The following CCDC39 variants were observed in gnomAD, a reference collection of about 807,000 sequenced individuals.
CCDC39 encodes the protein coiled-coil domain 39 molecular ruler complex subunit.
CCDC39 carries 113 observed loss-of-function variants against 121.0 expected under a neutral mutation model. That is an observed-to-expected ratio of 0.93 (90% confidence interval 0.80 to 1.09). The LOEUF is 1.09. Ranked by LOEUF, CCDC39 falls within the 50% of genes least tolerant of loss-of-function variation. The probability of loss-of-function intolerance (pLI) is 0.00; values close to 1 mark genes in which losing one functional copy is unlikely to be tolerated. For synonymous variants in CCDC39, 349 were observed against 352.2 expected, an observed-to-expected ratio of 0.99 and a Z score of 0.10; for missense variants, 1,063 against 1,074.7, an observed-to-expected ratio of 0.99 and a Z score of 0.15.
chr3:180,678,698 G>A (rs1397391181), intron 1 of CCDC39, among the ~76,000 whole-genome samples: 1 of 151,686 alleles, frequency 6.6e-6, no homozygotes, highest in African/African-American at 2.4e-5. Flanking sequence ...TGTAGTTAGT[G>A]TAAGTTCGTC....
intron 7 of CCDC39, among the ~76,000 whole-genome samples, chr3:180,653,255 C>A (rs1447949556): frequency 6.6e-6 from 1 of 152,202 alleles, no homozygotes; most frequent in Non-Finnish European, 1.5e-5. Context: ...CCACTGCAAC[C>A]TTGTACAAAA....
intron 9 of CCDC39, among the ~76,000 whole-genome samples, chr3:180,649,989 G>C (rs1355399938): frequency 6.6e-5 from 10 of 152,238 alleles, no homozygotes; most frequent in Admixed American, 3.3e-4. Context: ...AAATTTTACA[G>C]CACACTGAGG....
At chr3:180,661,781 G>GAAA in intron 3 of CCDC39, 80 bp downstream of exon 3, 1 of 1,203,836 alleles carries the variant, frequency 8.3e-7, no homozygotes, top group South Asian at 1.6e-5. Flanking sequence ...TCCCATACAA[G>GAAA]AAAAAAAAAA....
intron 7 of CCDC39, 106 bp downstream of exon 7, chr3:180,654,656 A>AG (rs1711540293): frequency 2.8e-6 from 2 of 716,688 alleles, no homozygotes; most frequent in East Asian, 6.8e-5. Context: ...AAAAAAAAAA[A>AG]AAACTAGAAG....
chr3:180,666,453 A>G (rs1711880073), intron 1 of CCDC39, among the ~76,000 whole-genome samples: 1 of 152,134 alleles, frequency 6.6e-6, no homozygotes, highest in Non-Finnish European at 1.5e-5. Flanking sequence ...GAGTTGTCTA[A>G]TTCTGAGGTG....
At chr3:180,662,698 A>T (rs1334553148) in intron 2 of CCDC39, among the ~76,000 whole-genome samples, 1 of 152,202 alleles carries the variant, frequency 6.6e-6, no homozygotes, top group Non-Finnish European at 1.5e-5. Context: ...AACTTAAGGA[A>T]AAGTGTTGTT....
Position 180,616,931 on chromosome 3 carries a change from C to G in CCDC39, c.2301G>C (p.Leu767Phe). The G allele has an allele frequency of 6.7e-7, 1 of 1,486,130 alleles. No homozygotes were observed. The highest frequency in any genetic ancestry group is 9.3e-7 in the Non-Finnish European group (1 of 1,076,522). 92.1% of individuals were successfully genotyped at this position (1,486,130 alleles called of 1,614,324 possible). A position where few individuals can be genotyped will look rare whatever the true frequency, so the allele number is the denominator to read the frequency against. ...ATAACTTTTCTTTAACATTATTTGC[C>G]AAATGTTCTATAACATCTAATGTAT... The part of the protein sequence containing the change: ...MENTLDVIEH[L>F]ANNVKEKLSE... Residue 767 changes from leucine to phenylalanine, a missense_variant, in exon 17 of 20, where the codon TTG (leucine) becomes TTC (phenylalanine). By Grantham distance (22) the Leu-to-Phe change is conservative. Transcript: ENST00000476379.
At chr3:180,641,806 G>A (rs1381260763) in intron 13 of CCDC39, among the ~76,000 whole-genome samples, 187 bp downstream of exon 13, 1 of 152,068 alleles carries the variant, frequency 6.6e-6, no homozygotes, top group African/African-American at 2.4e-5. Flanking sequence ...ACAATCTAAA[G>A]AATGAAGAAT....
intron 13 of CCDC39, among the ~76,000 whole-genome samples, chr3:180,638,999 T>C (rs1242060698): frequency 6.6e-6 from 1 of 152,122 alleles, no homozygotes; most frequent in Non-Finnish European, 1.5e-5. Flanking sequence ...CAAGAACACA[T>C]ATGTTCATAG....
chr3:180,618,687 T>C (rs564062644), intron 16 of CCDC39, among the ~76,000 whole-genome samples: 4 of 152,178 alleles, frequency 2.6e-5, no homozygotes, highest in Admixed American at 6.6e-5. Context: ...ATTAGTTTGC[T>C]GAGAATGATG....
intron 14 of CCDC39, among the ~76,000 whole-genome samples, chr3:180,629,553 C>T (rs111794611): frequency 1.6e-4 from 24 of 152,328 alleles, no homozygotes; most frequent in African/African-American, 5.5e-4. Flanking sequence ...GGCATCATTG[C>T]ACCCATGGTT....
Position 180,614,663 on chromosome 3 carries a change from C to A in CCDC39, c.*258G>T. The A allele has an allele frequency of 2.8e-6, 1 of 353,236 alleles. No individual in the cohort carries two copies. The highest frequency in any genetic ancestry group is 5.1e-6 in the Non-Finnish European group (1 of 197,022). 21.9% of individuals were successfully genotyped at this position (353,236 alleles called of 1,614,324 possible). On this transcript the variant is annotated 3_prime_UTR_variant, in exon 20 of 20. Transcript: ENST00000476379. ...AACTATTTTCTAACACTACGAACAT[C>A]AGAATTACAGTGAAATACAGCATTT...
Position 180,631,482 on chromosome 3 carries a change from T to C in CCDC39, c.1985A>G (p.Tyr662Cys). 1 of 1,605,084 alleles carries C rather than the reference T, an allele frequency of 6.2e-7. No homozygotes were observed. Among genetic ancestry groups the C allele is most frequent in the Non-Finnish European group, 8.5e-7 (1 of 1,178,726 alleles). ...AATTAAAATTACCTTTATTACATAA[T>C]AGGCCTGTGTTTTCTCCTCTTCTCC... Reference protein sequence around the residue: ...PEGEEEKTQAYYVIKAAQEKE... With the variant: ...PEGEEEKTQACYVIKAAQEKE... The change falls in exon 14 of 20, where the codon TAT becomes TGT. Residue 662 changes from tyrosine to cysteine, a missense_variant. Physicochemically the swap from Tyr to Cys is radical, Grantham distance 194. Transcript: ENST00000476379.
chr3:180,626,915 C>G (rs1285637400), intron 14 of CCDC39, among the ~76,000 whole-genome samples: 1 of 152,150 alleles, frequency 6.6e-6, no homozygotes, highest in Non-Finnish European at 1.5e-5. Context: ...ATGGCAAAAT[C>G]CTAAATCTAC....
At chr3:180,676,089 G>T (rs1345160647) in intron 1 of CCDC39, among the ~76,000 whole-genome samples, 2 of 152,066 alleles carry the variant, frequency 1.3e-5, no homozygotes, top group Non-Finnish European at 2.9e-5. Context: ...CATGGGCAAG[G>T]ACTTCATGTC....
At chr3:180,655,319 G>GT (rs113079710) in intron 6 of CCDC39, among the ~76,000 whole-genome samples, 5 of 150,536 alleles carry the variant, frequency 3.3e-5, no homozygotes, top group South Asian at 2.1e-4. Flanking sequence ...TTACAGACCG[G>GT]TTTTTTTTTA....
At chr3:180,637,252 T>G (rs1717851524) in intron 13 of CCDC39, among the ~76,000 whole-genome samples, 1 of 151,888 alleles carries the variant, frequency 6.6e-6, no homozygotes, top group Non-Finnish European at 1.5e-5. Context: ...ACAACCATAT[T>G]AAAAAGTGAG....
chr3:180,674,270 C>T (rs1305224019), intron 1 of CCDC39, among the ~76,000 whole-genome samples: 1 of 152,094 alleles, frequency 6.6e-6, no homozygotes, highest in Non-Finnish European at 1.5e-5. Context: ...CATGATTTGG[C>T]TCTCTGTTTG....
At position 180,654,892 on chromosome 3, in the gene CCDC39, T is replaced by G. The variant is rs1187809440; in HGVS notation, c.800A>C (p.Lys267Thr). ...ATTCCCAATCTCACTTTCCAAAAAC[T>G]TGATCTTTTCTTTAACCAAATTTTC... is the stretch of plus-strand genomic sequence containing the variant. ...EKENLVKEKI[K>T]FLESEIGNNT... The change falls in exon 7 of 20, where the codon AAG becomes ACG. Residue 267 changes from lysine to threonine, a missense_variant. Coordinates refer to ENST00000476379, the MANE Select transcript of CCDC39 (RefSeq NM_181426.2). The G allele has an allele frequency of 1.3e-6, 2 of 1,593,486 alleles. No individual in the cohort carries two copies. Among genetic ancestry groups the G allele is most frequent in the East Asian group, 2.3e-5 (1 of 43,798 alleles).
Sources: gnomAD v4.1 joint callset for allele counts (sites outside exome capture counted in the v4.1 genomes callset) on GRCh38, gnomAD v4.1.1 for gene constraint, MANE v1.5 for transcripts, NCBI Gene and HGNC (gene_info 2026-07-23, HGNC 2026-07-21) for gene names.